Variants in ITSN2 observed in about 807,000 individuals in gnomAD.
ITSN2 encodes intersectin 2.
ITSN2 carries 156 observed loss-of-function variants against 243.7 expected under a neutral mutation model. That is an observed-to-expected ratio of 0.64 (90% CI 0.56 to 0.73). The LOEUF (loss-of-function observed/expected upper bound fraction) is 0.73, where lower values mean the gene tolerates loss of function less well. Among genes scored for constraint, ITSN2 ranks in the 30% least tolerant of loss-of-function variants. ITSN2 has a pLI of 0.00. For missense variants in ITSN2, 1,801 were observed against 1,996.1 expected (o/e 0.90, Z 1.86); for synonymous variants, 703 against 699.9 (o/e 1.00, Z -0.07).
chr2:24,315,046 A>G (rs1683740601), intron 3 of ITSN2, 86 bp downstream of exon 3: 5 of 568,474 alleles, frequency 8.8e-6, no homozygotes, highest in Admixed American at 6.2e-5. Context: ...TATTAACACA[A>G]ATTTGATGGC....
In ITSN2 at chr2:24,302,048, A is replaced by G. The variant is rs2151673815; in HGVS notation, c.912T>C (p.Leu304=). ...DGQLKAEEFI[L]AMHLTDMAKA... The stretch of plus-strand genomic sequence containing the variant: ...TGGCCATGTCAGTAAGGTGCATTGC[A>G]AGAATAAACTCTTCTGCTTTTAGCT... The change falls in exon 10 of 40, where the codon CTT becomes CTC. Residue 304 remains leucine, a synonymous_variant. Coordinates refer to ENST00000355123, the MANE Select transcript of ITSN2 (RefSeq NM_006277.3). 2 of 1,612,922 alleles carry G rather than the reference A, an allele frequency of 1.2e-6. No individual in the cohort carries two copies. The highest frequency in any genetic ancestry group is 1.7e-6 in the Non-Finnish European group (2 of 1,179,160).
At chr2:24,259,758 G>GAGTAT (rs1675561608) in intron 22 of ITSN2, among the ~76,000 whole-genome samples, 1 of 152,106 alleles carries the variant, frequency 6.6e-6, no homozygotes, top group African/African-American at 2.4e-5. Context: ...CTTGCCCTTT[G>GAGTAT]TGAAGGCTGC....
rs147476042 is a variant in ITSN2 at position 24,263,749 on chromosome 2, A to C, written c.2356-2007T>G. Among the ~76,000 whole-genome samples the C allele has an allele frequency of 3.5e-3, 538 of 152,236 alleles. 2 individuals carry two copies. Among genetic ancestry groups the C allele is most frequent in the Middle Eastern group, 0.01 (3 of 294 alleles). ...AGTAAGAACAGTTTGTTCTTTTTTT[A>C]TTGCTAAGTAATATTATATCATATG... On this transcript the variant is annotated intron_variant, in intron 20 of 39. Coordinates refer to ENST00000355123, the MANE Select transcript of ITSN2 (RefSeq NM_006277.3).
At chr2:24,319,697 G>A (rs1212954696) in intron 2 of ITSN2, among the ~76,000 whole-genome samples, 1 of 152,226 alleles carries the variant, frequency 6.6e-6, no homozygotes, top group East Asian at 1.9e-4. Flanking sequence ...CATCCAGGAG[G>A]CTATGTTAGA....
Position 24,275,698 on chromosome 2 carries a change from T to C in ITSN2, c.2081+15A>G, listed in dbSNP as rs1362961942. 6 of 1,587,442 alleles carry C rather than the reference T, an allele frequency of 3.8e-6. No homozygotes were observed. The highest frequency in any genetic ancestry group is 5.2e-6 in the Non-Finnish European group (6 of 1,161,538). On this transcript the variant is annotated intron_variant, in intron 18 of 39. Transcript: ENST00000355123. ...TAATGGCAATATAGCACAATAAATA[T>C]ATCAGCTATATTACCTTGCAGCCTC...
In ITSN2 at chr2:24,252,510, T is replaced by C. The variant is rs778437380; in HGVS notation, c.2955A>G (p.Glu985=). 6.2e-7 allele frequency: 1 copy of C among 1,606,492 alleles called. No homozygotes were observed. Among genetic ancestry groups the C allele is most frequent in the Admixed American group, 1.7e-5 (1 of 59,546 alleles). The change falls in exon 25 of 40, where the codon GAA becomes GAG. Residue 985 remains glutamate (E), a splice_region_variant and synonymous_variant. Transcript: ENST00000355123. The part of the protein sequence containing the change: ...PTSAAYSVGE[E]YIALYPYSSV... ...TTGAATATGGATAAAGTGCAATATA[T>C]TCTGTAGGGAACAAAGCAAAAAGAA...
intron 32 of ITSN2, among the ~76,000 whole-genome samples, chr2:24,215,690 A>G (rs1669894635): frequency 6.6e-6 from 1 of 151,840 alleles, no homozygotes; most frequent in African/African-American, 2.4e-5. Context: ...AAAAAAGAGT[A>G]AGCTATTTTA....
intron 27 of ITSN2, 69 bp downstream of exon 27, chr2:24,248,554 ATTAATT>A (rs1361059149): frequency 5.4e-6 from 7 of 1,299,056 alleles, no homozygotes; most frequent in South Asian, 1.6e-5. Context: ...AAAAATTTTT[ATTAATT>A]TTATCTTTTT....
At chr2:24,340,993 A>G (rs1686998307) in intron 1 of ITSN2, among the ~76,000 whole-genome samples, 2 of 152,218 alleles carry the variant, frequency 1.3e-5, no homozygotes, top group Non-Finnish European at 2.9e-5. Flanking sequence ...TGACTGGCAT[A>G]GTCCAGGTGG....
chr2:24,327,388 C>T (rs1685274248), intron 2 of ITSN2, among the ~76,000 whole-genome samples: 1 of 151,720 alleles, frequency 6.6e-6, no homozygotes, highest in Non-Finnish European at 1.5e-5. Flanking sequence ...CACCACCTCC[C>T]GGGTAGTTCA....
rs1668537807 is a variant in ITSN2 at position 24,203,629 on chromosome 2, C to A, written c.5091G>T (p.Leu1697=). 1.9e-6 allele frequency: 3 copies of A among 1,613,670 alleles called. No individual in the cohort carries two copies. In the East Asian group the frequency reaches 6.7e-5, roughly 36 times the overall value. ...CTGGTGCTGTCCTTTAGAACCCCTA[C>A]AGGAGAGTTTTTTGCTCAAAAAGCT... The part of the protein sequence containing the change: ...DLQLFEQKTL[L] Residue 1697 remains leucine (L), a synonymous_variant, in exon 40 of 40, where the codon CTG becomes CTT. Coordinates refer to ENST00000355123, the MANE Select transcript of ITSN2 (RefSeq NM_006277.3).
rs1333599568 is a variant in ITSN2 at position 24,324,750 on chromosome 2, G to A, written c.31+3302C>T. On this transcript the variant is annotated intron_variant, in intron 2 of 39. Coordinates refer to ENST00000355123, the MANE Select transcript of ITSN2 (RefSeq NM_006277.3). ...TGTCTGTAGTCCCAGTTACTCTGGAGGCTGAGGCAGAAGGAATTGCTTGAG... is the reference window on the plus strand; with the variant it reads ...TGTCTGTAGTCCCAGTTACTCTGGAAGCTGAGGCAGAAGGAATTGCTTGAG... Among the ~76,000 whole-genome samples, 5 of 151,430 alleles carry A rather than the reference G, an allele frequency of 3.3e-5. 1 individual carries two copies. The highest frequency in any genetic ancestry group is 9.7e-5 in the African/African-American group (4 of 41,090).
At chr2:24,208,156 C>A in intron 37 of ITSN2, 81 bp downstream of exon 37, 1 of 1,189,640 alleles carries the variant, frequency 8.4e-7, no homozygotes, top group Middle Eastern at 2.4e-4. Context: ...GTCCCTATAT[C>A]ATCAGCCTGA....
At chr2:24,233,502 G>A (rs1173494240) in intron 29 of ITSN2, among the ~76,000 whole-genome samples, 1 of 152,188 alleles carries the variant, frequency 6.6e-6, no homozygotes, top group African/African-American at 2.4e-5. Context: ...TTGTGGTTGG[G>A]AGTTAAGAGC....
chr2:24,288,515 GCT>G (rs1439722189), intron 15 of ITSN2, among the ~76,000 whole-genome samples: 4 of 151,958 alleles, frequency 2.6e-5, no homozygotes, highest in Admixed American at 6.5e-5. Context: ...AATTAGCTAG[GCT>G]CTCTATTCTG....
intron 23 of ITSN2, among the ~76,000 whole-genome samples, chr2:24,255,965 A>C (rs1291085258): frequency 1.3e-5 from 2 of 152,216 alleles, no homozygotes; most frequent in Admixed American, 6.5e-5. Context: ...AGGCAGGAGA[A>C]TCGCTTGAAC....
chr2:24,306,065 T>C (rs1048775197), intron 8 of ITSN2, among the ~76,000 whole-genome samples: 3 of 152,100 alleles, frequency 2.0e-5, no homozygotes, highest in Non-Finnish European at 4.4e-5. Context: ...CTGCAACCTC[T>C]GCCTCCCAGG....
chr2:24,243,824 C>T (rs529242073), intron 29 of ITSN2, among the ~76,000 whole-genome samples: 1 of 152,242 alleles, frequency 6.6e-6, no homozygotes, highest in Admixed American at 6.5e-5. Context: ...AATACAGGAG[C>T]CACAGGCCAC....
At chr2:24,330,397 C>A (rs1685644856) in intron 1 of ITSN2, 1 of 586,678 alleles carries the variant, frequency 1.7e-6, no homozygotes, top group Non-Finnish European at 3.3e-6. Flanking sequence ...ACCGTTGCCA[C>A]CACCATGCCC....
Sources: allele counts gnomAD v4.1 joint callset (sites outside exome capture counted in the v4.1 genomes callset), GRCh38; gene constraint gnomAD v4.1.1; transcripts MANE v1.5; gene names NCBI Gene and HGNC (gene_info 2026-07-23, HGNC 2026-07-21).